Variants in SYN3 observed in about 807,000 individuals in gnomAD.
The protein encoded by SYN3 is synapsin-3.
A neutral mutation model predicts 65.8 loss-of-function variants in SYN3; 35 were observed. The ratio of observed to expected loss-of-function variants is 0.53; its 90% CI spans 0.41 to 0.70. SYN3 has a LOEUF of 0.70. Among genes scored for constraint, SYN3 ranks in the 30% least tolerant of loss-of-function variants. The pLI is 0.00. For missense variants in SYN3, 680 were observed against 749.0 expected (o/e 0.91, Z 1.08); for synonymous variants, 270 against 292.9 (o/e 0.92, Z 0.80).
At chr22:32,933,351 T>C (rs1280960377) in intron 3 of SYN3, among the ~76,000 whole-genome samples, 1 of 152,132 alleles carries the variant, frequency 6.6e-6, no homozygotes, top group Non-Finnish European at 1.5e-5. Flanking sequence ...AAAGATCAAA[T>C]AACATGCACA....
At chr22:32,730,548 T>C (rs1464503152) in intron 6 of SYN3, among the ~76,000 whole-genome samples, 1 of 152,206 alleles carries the variant, frequency 6.6e-6, no homozygotes, top group Non-Finnish European at 1.5e-5. Flanking sequence ...CTGGTCTAAG[T>C]GTTACTTAAG....
At chr22:33,030,554 AATAT>A (rs1402280824) in intron 1 of SYN3, among the ~76,000 whole-genome samples, 1 of 151,944 alleles carries the variant, frequency 6.6e-6, no homozygotes. Context: ...AAACGGAAAA[AATAT>A]ATAGAGACTG....
chr22:32,927,706 C>G (rs1253720224), intron 4 of SYN3, among the ~76,000 whole-genome samples: 2 of 152,162 alleles, frequency 1.3e-5, no homozygotes, highest in Non-Finnish European at 2.9e-5. Flanking sequence ...TACCTATTAA[C>G]ACCACTTTCT....
chr22:32,816,943 G>A (rs955188486), intron 6 of SYN3, among the ~76,000 whole-genome samples: 7 of 152,068 alleles, frequency 4.6e-5, no homozygotes, highest in Admixed American at 1.3e-4. Context: ...CTTTGGAGCC[G>A]GGCACAGCGG....
rs1028763701 is a variant in SYN3, at chr22:32,510,374, G to GC, written c.*3317dup. On this transcript the variant is annotated 3_prime_UTR_variant, in exon 14 of 14. Transcript: ENST00000358763. ...GTAACTAGCTCTGCCCATGGCCGTG[G>GC]CCCACAGGTTGAGAAACTTTGTCCA... Among the ~76,000 whole-genome samples, 5 of 152,164 alleles carry GC rather than the reference G, an allele frequency of 3.3e-5. No individual in the cohort carries two copies. The highest frequency in any genetic ancestry group is 7.2e-5 in the African/African-American group (3 of 41,432).
At chr22:32,877,361 C>T (rs117801592) in intron 4 of SYN3, among the ~76,000 whole-genome samples, 2,005 of 152,326 alleles carry the variant, frequency 0.013, 17 homozygotes, top group Admixed American at 0.018. Flanking sequence ...AGCTAAGGAA[C>T]TCACCAAGGT....
At chr22:32,957,975 G>C (rs1429338443) in intron 3 of SYN3, among the ~76,000 whole-genome samples, 1 of 152,116 alleles carries the variant, frequency 6.6e-6, no homozygotes. Flanking sequence ...GACAGTGTCA[G>C]GGAAAAGAAC....
At chr22:32,821,522 A>T (rs1437678220) in intron 6 of SYN3, among the ~76,000 whole-genome samples, 1 of 152,224 alleles carries the variant, frequency 6.6e-6, no homozygotes, top group Non-Finnish European at 1.5e-5. Flanking sequence ...TGACCTGGTT[A>T]ACAGACAGGG....
chr22:32,852,991 T>G (rs1283759181), intron 6 of SYN3, among the ~76,000 whole-genome samples: 3 of 152,232 alleles, frequency 2.0e-5, no homozygotes, highest in African/African-American at 7.2e-5. Flanking sequence ...ATGTCCCAGC[T>G]GGTCCTGGGA....
chr22:32,841,327 C>G (rs1434065065), intron 6 of SYN3, among the ~76,000 whole-genome samples: 1 of 152,142 alleles, frequency 6.6e-6, no homozygotes, highest in African/African-American at 2.4e-5. Flanking sequence ...AGCACAGTGT[C>G]AGGGGCCAAG....
intron 1 of SYN3, among the ~76,000 whole-genome samples, chr22:33,037,316 G>C (rs1018056536): frequency 2.0e-5 from 3 of 152,112 alleles, no homozygotes; most frequent in African/African-American, 7.2e-5. Context: ...TGGCTCCAAA[G>C]TCTGAGCTCC....
intron 1 of SYN3, among the ~76,000 whole-genome samples, chr22:33,030,642 T>C (rs1446439701): frequency 6.9e-6 from 1 of 144,382 alleles, no homozygotes; most frequent in Non-Finnish European, 1.5e-5. Context: ...GAGAAACTTA[T>C]ATAGAGACTG....
chr22:33,010,575 A>C (rs956947480), intron 1 of SYN3, among the ~76,000 whole-genome samples: 2 of 152,210 alleles, frequency 1.3e-5, no homozygotes, highest in African/African-American at 4.8e-5. Flanking sequence ...GGCTTTCCAG[A>C]AAGTTTTAAA....
chr22:32,994,160 C>T (rs1333031470), intron 2 of SYN3, among the ~76,000 whole-genome samples: 3 of 152,118 alleles, frequency 2.0e-5, no homozygotes, highest in African/African-American at 4.8e-5. Context: ...GCTTGGGTGC[C>T]GCACAAGGCC....
At chr22:33,055,159 G>A (rs2054234066) in intron 1 of SYN3, among the ~76,000 whole-genome samples, 1 of 152,164 alleles carries the variant, frequency 6.6e-6, no homozygotes, top group African/African-American at 2.4e-5. Context: ...CTTTCTTCAA[G>A]GAGTTCTCCT....
intron 4 of SYN3, among the ~76,000 whole-genome samples, chr22:32,922,245 G>A (rs1201770254): frequency 1.3e-5 from 2 of 152,294 alleles, no homozygotes; most frequent in East Asian, 1.9e-4. Flanking sequence ...CACAGGCCTT[G>A]GAGCCAGACT....
At chr22:32,924,663 G>A (rs2050421654) in intron 4 of SYN3, among the ~76,000 whole-genome samples, 1 of 152,240 alleles carries the variant, frequency 6.6e-6, no homozygotes, top group Non-Finnish European at 1.5e-5. Flanking sequence ...CCAGAGGTGT[G>A]TAAACACATT....
chr22:32,859,418 T>C lies in SYN3; in HGVS notation c.711+5497A>G, dbSNP rs775703543. 4.4e-6 allele frequency: 7 copies of C among 1,585,448 alleles called. No homozygotes were observed. In the South Asian group the frequency reaches 6.7e-5, roughly 15 times the overall value. On this transcript the variant is annotated intron_variant, in intron 6 of 13. Transcript: ENST00000358763. ...CCACCTCACTTCCCTCCCTTCCCGC[T>C]GAGCTTCCCTTGGACACTAACTCTT...
chr22:32,628,183 C>T (rs2059696630), intron 6 of SYN3, among the ~76,000 whole-genome samples: 2 of 152,254 alleles, frequency 1.3e-5, no homozygotes, highest in Middle Eastern at 3.4e-3. Flanking sequence ...CTGCTCTCGG[C>T]TACCAGAAGA....
Sources: gnomAD v4.1 joint callset for allele counts (sites outside exome capture counted in the v4.1 genomes callset) on GRCh38, gnomAD v4.1.1 for gene constraint, MANE v1.5 for transcripts, NCBI Gene and HGNC (gene_info 2026-07-23, HGNC 2026-07-21) for gene names.